The following RBFOX2 variants were observed in gnomAD, a reference collection of about 807,000 sequenced individuals.
The protein encoded by RBFOX2 is RNA binding protein fox-1 homolog 2.
In RBFOX2, 10 loss-of-function variants were observed where a neutral mutation model predicts 49.1. The ratio of observed to expected loss-of-function variants is 0.20; its 90% CI spans 0.13 to 0.35. The LOEUF (loss-of-function observed/expected upper bound fraction) is 0.35, where lower values mean the gene tolerates loss of function less well. RBFOX2 is among the 10% of genes least tolerant of loss of function. The pLI, the probability that RBFOX2 is intolerant of heterozygous loss-of-function variation, is 1.00. For missense variants in RBFOX2, 323 were observed against 486.9 expected, an observed-to-expected ratio of 0.66 and a Z score of 3.17; for synonymous variants, 183 against 187.4, an observed-to-expected ratio of 0.98 and a Z score of 0.19.
intron 2 of RBFOX2, among the ~76,000 whole-genome samples, chr22:35,782,330 C>T (rs986576877): frequency 4.6e-5 from 7 of 151,860 alleles, no homozygotes; most frequent in Non-Finnish European, 5.9e-5. Flanking sequence ...GAAGAAGCTT[C>T]TTTTTTTTGG....
At chr22:35,971,739 A>G (rs973772333) in intron 1 of RBFOX2, among the ~76,000 whole-genome samples, 2 of 152,038 alleles carry the variant, frequency 1.3e-5, no homozygotes, top group African/African-American at 4.8e-5. Flanking sequence ...TCCAGCAGTA[A>G]GGGCTGTTTC....
At chr22:35,897,594 T>A in intron 1 of RBFOX2, 1 of 1,064,768 alleles carries the variant, frequency 9.4e-7, no homozygotes, top group Non-Finnish European at 1.5e-6. Flanking sequence ...AGAGGAGATA[T>A]CGATTTGGCC....
intron 2 of RBFOX2, among the ~76,000 whole-genome samples, chr22:35,787,456 G>A (rs1946651692): frequency 6.6e-6 from 1 of 152,142 alleles, no homozygotes; most frequent in African/African-American, 2.4e-5. Context: ...AAAAGCCAAA[G>A]AACTACTAAA....
intron 2 of RBFOX2, among the ~76,000 whole-genome samples, chr22:35,784,110 A>G (rs1945842193): frequency 6.6e-6 from 1 of 152,182 alleles, no homozygotes; most frequent in African/African-American, 2.4e-5. Flanking sequence ...GAAGCAAACC[A>G]CATTTCCAAT....
intron 9 of RBFOX2, among the ~76,000 whole-genome samples, chr22:35,751,462 C>CAGCAGAG (rs933087199): frequency 9.2e-5 from 14 of 152,302 alleles, no homozygotes; most frequent in African/African-American, 3.4e-4. Context: ...AAAATCACTA[C>CAGCAGAG]AGCAGAGCAG....
At chr22:35,837,799 AT>A (rs1957959997) in intron 1 of RBFOX2, among the ~76,000 whole-genome samples, 1 of 152,192 alleles carries the variant, frequency 6.6e-6, no homozygotes, top group Admixed American at 6.5e-5. Flanking sequence ...TATTATTAGA[AT>A]TATTAAGCAC....
intron 2 of RBFOX2, among the ~76,000 whole-genome samples, chr22:35,792,904 C>T (rs1310916316): frequency 6.6e-6 from 1 of 152,342 alleles, no homozygotes; most frequent in Admixed American, 6.5e-5. Context: ...AGAACATCAA[C>T]CAGATTTGTT....
intron 4 of RBFOX2, among the ~76,000 whole-genome samples, chr22:35,777,015 A>AT (rs757376652): frequency 0.052 from 7,460 of 143,820 alleles, 206 homozygotes; most frequent in African/African-American, 0.068. Context: ...AGGGGAAATA[A>AT]TTTTTTTTTT....
intron 1 of RBFOX2, among the ~76,000 whole-genome samples, chr22:36,002,572 A>G (rs191811578): frequency 3.9e-5 from 6 of 152,392 alleles, no homozygotes; most frequent in East Asian, 1.9e-4. Flanking sequence ...TCTCCAGAAC[A>G]TAAAAGAAAC....
intron 1 of RBFOX2, among the ~76,000 whole-genome samples, chr22:35,828,774 G>A (rs369849640): frequency 2.0e-5 from 3 of 152,132 alleles, no homozygotes; most frequent in Admixed American, 6.5e-5. Flanking sequence ...ACCTGAGGTC[G>A]GGCGTGGTGG....
At chr22:35,917,711 T>C (rs1477985274) in intron 1 of RBFOX2, among the ~76,000 whole-genome samples, 1 of 152,190 alleles carries the variant, frequency 6.6e-6, no homozygotes, top group Non-Finnish European at 1.5e-5. Context: ...CTGGGTTCTG[T>C]AAGTCAGTGG....
intron 4 of RBFOX2, among the ~76,000 whole-genome samples, chr22:35,770,081 T>G (rs1428834839): frequency 6.6e-6 from 1 of 152,198 alleles, no homozygotes; most frequent in Non-Finnish European, 1.5e-5. Flanking sequence ...ATATCAACAT[T>G]TATAGCCACT....
At chr22:35,903,249 T>C (rs942602511) in intron 1 of RBFOX2, among the ~76,000 whole-genome samples, 1 of 152,224 alleles carries the variant, frequency 6.6e-6, no homozygotes, top group African/African-American at 2.4e-5. Flanking sequence ...AATCAACTTA[T>C]CAAGGTCTAC....
intron 1 of RBFOX2, among the ~76,000 whole-genome samples, chr22:35,875,910 A>T (rs1480345414): frequency 5.9e-5 from 9 of 152,156 alleles, no homozygotes; most frequent in Non-Finnish European, 1.2e-4. Context: ...TAAATAAATA[A>T]AGCTTTATTG....
chr22:35,871,843 A>G (rs1307992945), intron 1 of RBFOX2, among the ~76,000 whole-genome samples: 1 of 152,216 alleles, frequency 6.6e-6, no homozygotes. Context: ...CCCCTGGTAC[A>G]TGGGTAATGA....
At chr22:35,982,377 C>G (rs556986982) in intron 1 of RBFOX2, among the ~76,000 whole-genome samples, 2 of 152,092 alleles carry the variant, frequency 1.3e-5, no homozygotes, top group East Asian at 1.9e-4. Context: ...CCTCCTCCCC[C>G]CATCTCCCCA....
At chr22:35,926,311 C>A (rs2051634283) in intron 1 of RBFOX2, among the ~76,000 whole-genome samples, 1 of 152,304 alleles carries the variant, frequency 6.6e-6, no homozygotes, top group African/African-American at 2.4e-5. Flanking sequence ...GCTGCCCTAA[C>A]CAAGTCTAGT....
chr22:35,741,734 G>A (rs989090617), exon 12 of RBFOX2: 1 of 152,746 alleles, frequency 6.5e-6, no homozygotes, highest in African/African-American at 2.4e-5. Flanking sequence ...CAGCTGAACT[G>A]AGATGCACTC....
chr22:36,028,611 C>A (rs1231636978), exon 1 of RBFOX2, among the ~76,000 whole-genome samples: 1 of 149,552 alleles, frequency 6.7e-6, no homozygotes, highest in South Asian at 2.1e-4. Context: ...CTTGCCTGAC[C>A]GCTTGCTCCC....
Sources: gnomAD v4.1 joint callset for allele counts (sites outside exome capture counted in the v4.1 genomes callset) on GRCh38, gnomAD v4.1.1 for gene constraint, MANE v1.5 for transcripts, NCBI Gene and HGNC (gene_info 2026-07-23, HGNC 2026-07-21) for gene names.